ZCCHC17: variants seen among roughly 807,000 people sequenced by gnomAD.
The protein encoded by ZCCHC17 is zinc finger CCHC-type containing 17, also known as zinc finger CCHC domain-containing protein 17.
ZCCHC17 carries 18 observed loss-of-function variants against 30.6 expected under a neutral mutation model. The ratio of observed to expected loss-of-function variants is 0.59; its 90% CI spans 0.41 to 0.87. The LOEUF is 0.87. Among genes scored for constraint, ZCCHC17 ranks in the 40% least tolerant of loss-of-function variants. The probability of loss-of-function intolerance (pLI) is 0.00; values close to 1 mark genes in which losing one functional copy is unlikely to be tolerated. For synonymous variants in ZCCHC17, 88 were observed against 92.4 expected, an observed-to-expected ratio of 0.95 and a Z score of 0.27; for missense variants, 263 against 284.2, an observed-to-expected ratio of 0.93 and a Z score of 0.54.
rs532792163 is a variant in ZCCHC17 at position 31,363,374 on chromosome 1, G to A, written c.565-658G>A. On this transcript the variant is annotated intron_variant, in intron 7 of 7. Coordinates refer to ENST00000344147, the MANE Select transcript of ZCCHC17 (RefSeq NM_016505.4). The stretch of plus-strand genomic sequence containing the variant: ...AATATTTTGTATTTTTAGTAGAGAC[G>A]GGGTTTCACCATGTTAGCCAGGATG... 9.2e-5 allele frequency among the ~76,000 whole-genome samples: 14 copies of A among 152,030 alleles called. No homozygotes were observed. In the East Asian group the frequency reaches 2.5e-3, roughly 27 times the overall value.
rs754825528 is a variant in ZCCHC17, at chr1:31,348,924, G to C, written c.514G>C (p.Glu172Gln). The change falls in exon 7 of 8, where the codon GAG (glutamate) becomes CAG (glutamine). Residue 172 changes from glutamate (E) to glutamine (Q), a missense_variant. By Grantham distance (29) the Glu-to-Gln change is conservative. Transcript: ENST00000344147. ...EEEKEEAKSA[E>Q]FEKPDPTRNP... ...GGAAAAGGAAGAGGCAAAGTCAGCA[G>C]AGTTTGAGAAGCCTGACCCTACAAG... 3.1e-6 allele frequency: 5 copies of C among 1,612,378 alleles called. No individual in the cohort carries two copies. In the African/African-American group the frequency reaches 5.3e-5, roughly 17 times the overall value.
rs36008834 is a variant in ZCCHC17, at chr1:31,339,960, CTTTT to C, written c.317+933_317+936del. On this transcript the variant is annotated intron_variant, in intron 5 of 7. Transcript: ENST00000344147. Reference sequence around the variant, plus strand: ...TCTGTCTCAAGTCTTTCTTGGATTTCTTTTTTTTTTTTTTTTTTTTTTTTGAGAT... The same window carrying C: ...TCTGTCTCAAGTCTTTCTTGGATTTCTTTTTTTTTTTTTTTTTTTTGAGAT... 1.1e-4 allele frequency among the ~76,000 whole-genome samples: 10 copies of C among 90,424 alleles called. No individual in the cohort carries two copies. In the Admixed American group the frequency reaches 1.1e-3, roughly 10 times the overall value. The allele number at this position is 90,424 out of a possible 152,430, so 59.3% of individuals were successfully genotyped here. A position where few individuals can be genotyped will look rare whatever the true frequency, so the allele number is the denominator to read the frequency against.
intron 7 of ZCCHC17, among the ~76,000 whole-genome samples, chr1:31,350,740 C>T (rs1639439242): frequency 6.6e-6 from 1 of 152,122 alleles, no homozygotes; most frequent in African/African-American, 2.4e-5. Flanking sequence ...GCTGGGACTA[C>T]AGGCGCAAGC....
chr1:31,356,066 C>T (rs538107251), intron 7 of ZCCHC17, among the ~76,000 whole-genome samples: 23 of 152,070 alleles, frequency 1.5e-4, no homozygotes, highest in African/African-American at 5.1e-4. Context: ...GAATGCCTGG[C>T]GTGTGGAAGG....
chr1:31,358,820 T>C (rs1428861063), intron 7 of ZCCHC17, among the ~76,000 whole-genome samples: 2 of 152,128 alleles, frequency 1.3e-5, no homozygotes, highest in South Asian at 2.1e-4. Flanking sequence ...AGGTAAGATA[T>C]ATAAATTTGG....
At chr1:31,335,535 C>T (rs1036922077) in intron 3 of ZCCHC17, among the ~76,000 whole-genome samples, 1 of 152,080 alleles carries the variant, frequency 6.6e-6, no homozygotes, top group Non-Finnish European at 1.5e-5. Flanking sequence ...ACCACCACAT[C>T]CTATTAATTT....
intron 1 of ZCCHC17, among the ~76,000 whole-genome samples, chr1:31,302,931 C>T (rs1453756945): frequency 6.6e-6 from 1 of 152,150 alleles, no homozygotes; most frequent in East Asian, 1.9e-4. Flanking sequence ...GGTGAGGACA[C>T]AAAGCCAAAC....
Position 31,319,172 on chromosome 1 carries a change from A to G in ZCCHC17, c.124+6A>G, listed in dbSNP as rs539290911. 5.2e-5 allele frequency: 84 copies of G among 1,608,010 alleles called. No individual in the cohort carries two copies. The highest frequency in any genetic ancestry group is 6.6e-5 in the Non-Finnish European group (78 of 1,175,562). On this transcript the variant is annotated splice_donor_region_variant and intron_variant, in intron 3 of 7. Transcript: ENST00000344147. ...CCCAGGCTGTCGGAAGCAAGGTAGGAGTTTATAACTTGAAATTCAGCCCTC... is the reference window on the plus strand; with the variant it reads ...CCCAGGCTGTCGGAAGCAAGGTAGGGGTTTATAACTTGAAATTCAGCCCTC...
At chr1:31,351,728 C>T (rs529664153) in intron 7 of ZCCHC17, among the ~76,000 whole-genome samples, 14 of 152,182 alleles carry the variant, frequency 9.2e-5, no homozygotes, top group African/African-American at 3.1e-4. Context: ...GGCAACAGAG[C>T]GAGACCCTGC....
chr1:31,346,317 T>G (rs77312670), intron 5 of ZCCHC17, among the ~76,000 whole-genome samples: 3,878 of 152,304 alleles, frequency 0.025, 143 homozygotes, highest in African/African-American at 0.088. Context: ...GTAAAGAATT[T>G]GGAGCTGATT....
At chr1:31,340,676 G>C (rs1274239476) in intron 5 of ZCCHC17, among the ~76,000 whole-genome samples, 2 of 152,132 alleles carry the variant, frequency 1.3e-5, no homozygotes, top group African/African-American at 4.8e-5. Context: ...TTCTATGTGT[G>C]TCCTCAGGTT....
At chr1:31,359,851 CA>C (rs1283382739) in intron 7 of ZCCHC17, among the ~76,000 whole-genome samples, 2 of 152,122 alleles carry the variant, frequency 1.3e-5, no homozygotes, top group Admixed American at 6.6e-5. Flanking sequence ...GAATCCATGT[CA>C]TTTTTTTTTA....
At chr1:31,332,284 G>C (rs1463843065) in intron 3 of ZCCHC17, among the ~76,000 whole-genome samples, 1 of 152,104 alleles carries the variant, frequency 6.6e-6, no homozygotes, top group African/African-American at 2.4e-5. Context: ...CTACAGACTT[G>C]GATATGCAAC....
intron 5 of ZCCHC17, among the ~76,000 whole-genome samples, chr1:31,340,411 A>G (rs1639004976): frequency 7.3e-6 from 1 of 137,896 alleles, no homozygotes; most frequent in East Asian, 2.1e-4. Context: ...TCCGCCTCCC[A>G]GGTTCAAGTG....
At chr1:31,334,889 A>G (rs1638751955) in intron 3 of ZCCHC17, among the ~76,000 whole-genome samples, 1 of 152,204 alleles carries the variant, frequency 6.6e-6, no homozygotes, top group Non-Finnish European at 1.5e-5. Context: ...TTTGATGTAA[A>G]TCACTTTTCC....
chr1:31,323,365 A>C (rs974843152), intron 3 of ZCCHC17, among the ~76,000 whole-genome samples: 1 of 151,788 alleles, frequency 6.6e-6, no homozygotes, highest in East Asian at 1.9e-4. Flanking sequence ...TCTGTTGCCC[A>C]GGCTGGAGTG....
intron 7 of ZCCHC17, among the ~76,000 whole-genome samples, chr1:31,352,798 C>G (rs1462799101): frequency 1.3e-5 from 2 of 152,290 alleles, no homozygotes; most frequent in Middle Eastern, 3.4e-3. Flanking sequence ...TTGGTGAACA[C>G]TTGGGCTGCT....
intron 5 of ZCCHC17, 92 bp from the exon 6 acceptor site, chr1:31,346,548 C>CA (rs1639279045): frequency 2.8e-6 from 4 of 1,429,628 alleles, no homozygotes; most frequent in Non-Finnish European, 3.7e-6. Context: ...CTTTCCCTGC[C>CA]AAAAACAAAA....
intron 1 of ZCCHC17, among the ~76,000 whole-genome samples, chr1:31,297,911 G>A (rs558334272): frequency 6.6e-6 from 1 of 152,188 alleles, no homozygotes; most frequent in Non-Finnish European, 1.5e-5. Flanking sequence ...GAGAATGAAG[G>A]GAGTATGGTA....
Sources: gnomAD v4.1 joint callset for allele counts (sites outside exome capture counted in the v4.1 genomes callset) on GRCh38, gnomAD v4.1.1 for gene constraint, MANE v1.5 for transcripts, NCBI Gene and HGNC (gene_info 2026-07-23, HGNC 2026-07-21) for gene names.